U2SURP: variants seen among roughly 807,000 people sequenced by gnomAD.
U2SURP encodes U2 snRNP associated SURP domain containing, also known as U2 snRNP-associated SURP motif-containing protein.
Under a neutral mutation model 144.9 loss-of-function variants are expected in U2SURP, and 9 were observed. The observed-to-expected ratio is 0.06, with a 90% CI of 0.04 to 0.11. U2SURP has a LOEUF of 0.11. Among genes scored for constraint, U2SURP ranks in the 10% least tolerant of loss-of-function variants. U2SURP has a pLI of 1.00. For synonymous variants in U2SURP, 408 were observed against 396.8 expected (o/e 1.03, Z -0.33); for missense variants, 724 against 1,226.7 (o/e 0.59, Z 6.12).
chr3:143,047,633 CCCTCCCG>C (rs1560204280), intron 24 of U2SURP, among the ~76,000 whole-genome samples: 1 of 48,122 alleles, frequency 2.1e-5, no homozygotes, highest in African/African-American at 1.1e-4. Flanking sequence ...GGCTGACCCC[CCCTCCCG>C]CCTCCCGGAC....
chr3:143,005,898 T>C (rs1231994719), intron 1 of U2SURP, among the ~76,000 whole-genome samples: 2 of 152,176 alleles, frequency 1.3e-5, no homozygotes, highest in South Asian at 2.1e-4. Flanking sequence ...CTACAAGATA[T>C]TAAAATCAAA....
At chr3:143,027,068 A>C in intron 13 of U2SURP, 81 bp from the exon 14 acceptor site, 1 of 1,090,642 alleles carries the variant, frequency 9.2e-7, no homozygotes, top group Non-Finnish European at 1.4e-6. Context: ...TTTTCTGCAC[A>C]ATTATAGTAA....
At chr3:143,027,358 T>A in intron 14 of U2SURP, 105 bp downstream of exon 14, 1 of 806,444 alleles carries the variant, frequency 1.2e-6, no homozygotes, top group Non-Finnish European at 1.9e-6. Flanking sequence ...CACATTGTTG[T>A]ACAACCATCA....
In U2SURP at chr3:143,014,325, CAAACTT is replaced by C. The variant is rs1317276566; in HGVS notation, c.241_246del (p.Leu81_Lys82del). On this transcript the variant is annotated inframe_deletion, in exon 4 of 28. Transcript: ENST00000473835. ...TTATTTCTTAGCCTCTTCTGGAAAA[CAAACTT>C]AAAGCATTCAGTATTGGAAAAATGA... is the stretch of plus-strand genomic sequence containing the variant. The C allele has an allele frequency of 2.5e-6, 4 of 1,599,612 alleles. No homozygotes were observed. Among genetic ancestry groups the C allele is most frequent in the Non-Finnish European group, 3.4e-6 (4 of 1,173,354 alleles).
intron 24 of U2SURP, among the ~76,000 whole-genome samples, chr3:143,044,674 T>G (rs993225893): frequency 1.2e-4 from 19 of 152,216 alleles, no homozygotes; most frequent in African/African-American, 4.6e-4. Context: ...ATTTTCATAC[T>G]GTATACATTC....
At chr3:143,022,357 T>A in intron 10 of U2SURP, 140 bp from the exon 11 acceptor site, 2 of 633,218 alleles carry the variant, frequency 3.2e-6, no homozygotes, top group Non-Finnish European at 5.0e-6. Flanking sequence ...TTTACTTGTG[T>A]GGCGTTCCTG....
At chr3:143,009,535 C>T (rs1297981549) in intron 1 of U2SURP, among the ~76,000 whole-genome samples, 1 of 151,688 alleles carries the variant, frequency 6.6e-6, no homozygotes, top group Admixed American at 6.6e-5. Context: ...GAGGCGGAGG[C>T]TGCAGTGAGC....
At chr3:143,039,096 T>C in intron 23 of U2SURP, 136 bp downstream of exon 23, 1 of 527,376 alleles carries the variant, frequency 1.9e-6, no homozygotes, top group East Asian at 3.6e-5. Context: ...TTTTTAGTTC[T>C]CCATTGGTTT....
Position 143,001,598 on chromosome 3 carries a change from T to TGCC in U2SURP, c.-23_-21dup. 2 of 1,613,380 alleles carry TGCC rather than the reference T, an allele frequency of 1.2e-6. No individual in the cohort carries two copies. The highest frequency in any genetic ancestry group is 1.7e-6 in the Non-Finnish European group (2 of 1,179,732). ...TCGGTGCTCGACTCGCCCGTGCTGC[T>TGCC]GCCGCCGCCGAAGGAGGGGCAAAGC... On this transcript the variant is annotated 5_prime_UTR_variant, in exon 1 of 28. Coordinates refer to ENST00000473835, the MANE Select transcript of U2SURP (RefSeq NM_001080415.2).
At chr3:143,028,319 A>ATGTT in intron 14 of U2SURP, 21 bp from the exon 15 acceptor site, 1 of 1,598,708 alleles carries the variant, frequency 6.3e-7, no homozygotes. Flanking sequence ...ATGATGTTTA[A>ATGTT]TGTTTGTTTG....
Position 143,023,969 on chromosome 3 carries a change from A to G in U2SURP, c.1231-6A>G. The G allele has an allele frequency of 3.1e-6, 5 of 1,612,976 alleles. No individual in the cohort carries two copies. The highest frequency in any genetic ancestry group is 4.2e-6 in the Non-Finnish European group (5 of 1,179,190). ...TGTTTATTATCTGATGTGACTTCAT[A>G]TACAGACTCTGTCGCAAGCCATAGT... On this transcript the variant is annotated splice_region_variant and splice_polypyrimidine_tract_variant and intron_variant, in intron 12 of 27. Transcript: ENST00000473835.
At chr3:143,024,060 A>G in intron 13 of U2SURP, 42 bp downstream of exon 13, 3 of 1,527,368 alleles carry the variant, frequency 2.0e-6, no homozygotes, top group Non-Finnish European at 2.7e-6. Context: ...AATATAGACA[A>G]TATCCCCTTC....
chr3:143,004,575 C>T (rs1935730317), intron 1 of U2SURP, among the ~76,000 whole-genome samples: 1 of 71,348 alleles, frequency 1.4e-5, no homozygotes, highest in Non-Finnish European at 2.5e-5. Flanking sequence ...ACCTTGTGAC[C>T]CCCCCCCCCC....
At chr3:143,009,262 G>A (rs1935997240) in intron 1 of U2SURP, among the ~76,000 whole-genome samples, 1 of 152,104 alleles carries the variant, frequency 6.6e-6, no homozygotes. Flanking sequence ...AAGAAAATCA[G>A]GGTGGACACA....
At chr3:143,007,169 T>C (rs1935876975) in intron 1 of U2SURP, among the ~76,000 whole-genome samples, 1 of 152,222 alleles carries the variant, frequency 6.6e-6, no homozygotes, top group African/African-American at 2.4e-5. Flanking sequence ...CCTCCCCACA[T>C]TTCTACTGTC....
intron 24 of U2SURP, among the ~76,000 whole-genome samples, chr3:143,046,951 A>G (rs1256311674): frequency 6.2e-4 from 57 of 91,498 alleles, no homozygotes; most frequent in African/African-American, 8.6e-4. Context: ...CAGGGGGCTG[A>G]CCTCCCCCAC....
chr3:143,024,559 T>A (rs1205688817), intron 13 of U2SURP: 2 of 422,818 alleles, frequency 4.7e-6, no homozygotes, highest in Non-Finnish European at 9.2e-6. Flanking sequence ...GTATTTGGAA[T>A]TCTTTTATTT....
chr3:143,028,638 T>A lies in U2SURP; in HGVS notation c.1602T>A (p.Leu534=). 1 of 1,594,480 alleles carries A rather than the reference T, an allele frequency of 6.3e-7. No homozygotes were observed. The highest frequency in any genetic ancestry group is 8.5e-7 in the Non-Finnish European group (1 of 1,174,714). ...FVEEPSKKGA[L]KEEQRDKLEE... is the part of the protein sequence containing the mutation. The stretch of plus-strand genomic sequence containing the variant: ...AGGAACCTAGTAAAAAGGGAGCACT[T>A]AAGGAAGAGTAAGATATTTTTCCTT... Residue 534 remains leucine, a synonymous_variant, in exon 16 of 28, where the codon CTT becomes CTA. Coordinates refer to ENST00000473835, the MANE Select transcript of U2SURP (RefSeq NM_001080415.2).
chr3:143,050,563 C>T (rs1238318852), intron 24 of U2SURP, among the ~76,000 whole-genome samples: 1 of 152,190 alleles, frequency 6.6e-6, no homozygotes, highest in African/African-American at 2.4e-5. Context: ...CCCATCCCCG[C>T]CTCTTTTTTA....
Sources: allele counts gnomAD v4.1 joint callset (sites outside exome capture counted in the v4.1 genomes callset), GRCh38; gene constraint gnomAD v4.1.1; transcripts MANE v1.5; gene names NCBI Gene and HGNC (gene_info 2026-07-23, HGNC 2026-07-21).